The following DERPC variants were observed in gnomAD, a reference collection of about 807,000 sequenced individuals.
DERPC encodes the protein DERPC proline and glycine rich nuclear protein, also known as decreased expression in renal and prostate cancer protein.
Under a neutral mutation model 7.2 loss-of-function variants are expected in DERPC, and 1 was observed. That is an observed-to-expected ratio of 0.14 (90% CI 0.05 to 0.66). The LOEUF is 0.66. DERPC is among the 30% of genes least tolerant of loss of function. The probability of loss-of-function intolerance (pLI) is 0.84; values close to 1 mark genes in which losing one functional copy is unlikely to be tolerated. For missense variants in DERPC, 502 were observed against 299.4 expected, an observed-to-expected ratio of 1.68 and a Z score of -4.99; for synonymous variants, 185 against 117.6, an observed-to-expected ratio of 1.57 and a Z score of -3.71.
intron 1 of DERPC, among the ~76,000 whole-genome samples, chr16:69,124,027 C>A (rs1172602262): frequency 6.6e-6 from 1 of 151,534 alleles, no homozygotes; most frequent in African/African-American, 2.4e-5. Context: ...TCAGTGGAAC[C>A]TGGGAGATAA....
At chr16:69,122,143 C>G (rs1961720885) in intron 1 of DERPC, among the ~76,000 whole-genome samples, 1 of 152,174 alleles carries the variant, frequency 6.6e-6, no homozygotes, top group South Asian at 2.1e-4. Context: ...CCTTTAGACA[C>G]ATTTTATCTT....
Position 69,120,782 on chromosome 16 carries a change from GC to G in DERPC, c.-221-134del. 1.2e-6 allele frequency: 1 copy of G among 807,134 alleles called. No individual in the cohort carries two copies. The highest frequency in any genetic ancestry group is 2.0e-6 in the Non-Finnish European group (1 of 493,204). 50.0% of individuals were successfully genotyped at this position (807,134 alleles called of 1,614,324 possible). On this transcript the variant is annotated intron_variant, in intron 2 of 2. Transcript: ENST00000519520. This position sits in a 1 kb window ranked among gnomAD's most constrained non-coding sequence, Gnocchi z 4.0. ...GGTCTGGCTCTGCCATTGTTGAGCA[GC>G]CACACTGGACCACCCACCCATGTGC...
chr16:69,124,252 G>T (rs1039241009), intron 1 of DERPC, among the ~76,000 whole-genome samples: 6 of 152,130 alleles, frequency 3.9e-5, no homozygotes. Context: ...GATTCATGGG[G>T]GGCTGATAGG....
chr16:69,129,212 C>T (rs977491780), intron 1 of DERPC, among the ~76,000 whole-genome samples: 6 of 151,998 alleles, frequency 3.9e-5, no homozygotes, highest in South Asian at 4.2e-4. Context: ...GGGCAGATCA[C>T]GAGGTCAGGA....
intron 1 of DERPC, among the ~76,000 whole-genome samples, chr16:69,123,940 A>AAC (rs1961871107): frequency 1.4e-5 from 2 of 140,220 alleles, no homozygotes; most frequent in African/African-American, 5.0e-5. Flanking sequence ...AAAAAAAAAA[A>AAC]AAAAAAACAA....
Position 69,120,605 on chromosome 16 carries a change from T to C in DERPC, c.-177A>G, listed in dbSNP as rs74423943. 2.4e-4 allele frequency: 385 copies of C among 1,613,864 alleles called. No individual in the cohort carries two copies. In the African/African-American group the frequency reaches 4.7e-3, roughly 20 times the overall value. On this transcript the variant is annotated 5_prime_UTR_variant, in exon 3 of 3. Coordinates refer to ENST00000519520, the MANE Select transcript of DERPC (RefSeq NM_001002847.4). The surrounding 1 kb of genome is among the most constrained non-coding windows in gnomAD (Gnocchi z 4.0). The stretch of plus-strand genomic sequence containing the variant: ...CAAAAGGTTTCTCCAGGTGGATGAT[T>C]TTCCCATACAGGATATGATGCCCCA...
intron 1 of DERPC, among the ~76,000 whole-genome samples, chr16:69,127,364 T>A (rs1424806173): frequency 6.6e-6 from 1 of 151,774 alleles, no homozygotes; most frequent in East Asian, 1.9e-4. Flanking sequence ...CTATTAGAAA[T>A]CACAAGCATA....
intron 1 of DERPC, among the ~76,000 whole-genome samples, chr16:69,121,828 C>T (rs557957079): frequency 1.1e-3 from 175 of 152,220 alleles, no homozygotes; most frequent in Admixed American, 1.5e-3. Context: ...CCACCACGGC[C>T]GGCTAATTTT....
Position 69,118,570 on chromosome 16 carries a change from C to A in DERPC, c.*284G>T. On this transcript the variant is annotated 3_prime_UTR_variant, in exon 3 of 3. Coordinates refer to ENST00000519520, the MANE Select transcript of DERPC (RefSeq NM_001002847.4). ...AACAATTCAAGAAACTAGTAAGAAA[C>A]AATGGGCAGAAAGCTGTGGGACGAA... 1.3e-6 allele frequency: 1 copy of A among 763,080 alleles called. No homozygotes were observed. The highest frequency in any genetic ancestry group is 2.4e-6 in the Non-Finnish European group (1 of 424,840). 47.3% of individuals were successfully genotyped at this position (763,080 alleles called of 1,614,324 possible).
chr16:69,120,582 A>C lies in DERPC; in HGVS notation c.-154T>G, dbSNP rs1456082174. The C allele has an allele frequency of 6.2e-7, 1 of 1,614,092 alleles. No homozygotes were observed. Among genetic ancestry groups the C allele is most frequent in the Admixed American group, 1.7e-5 (1 of 60,000 alleles). On this transcript the variant is annotated 5_prime_UTR_variant, in exon 3 of 3. Coordinates refer to ENST00000519520, the MANE Select transcript of DERPC (RefSeq NM_001002847.4). This position sits in a 1 kb window ranked among gnomAD's most constrained non-coding sequence, Gnocchi z 4.0. Reference sequence around the variant, plus strand: ...AGGAGTGTGTTTGACAAGGACTGCAAAAGGTTTCTCCAGGTGGATGATTTT... The same window carrying C: ...AGGAGTGTGTTTGACAAGGACTGCACAAGGTTTCTCCAGGTGGATGATTTT...
At chr16:69,124,265 C>T (rs1043500041) in intron 1 of DERPC, among the ~76,000 whole-genome samples, 4 of 152,156 alleles carry the variant, frequency 2.6e-5, no homozygotes, top group South Asian at 2.1e-4. Context: ...CTGATAGGAT[C>T]GGGGATAAAA....
intron 1 of DERPC, among the ~76,000 whole-genome samples, chr16:69,128,506 T>A (rs1465517161): frequency 6.6e-6 from 1 of 152,222 alleles, no homozygotes; most frequent in Admixed American, 6.5e-5. Context: ...AAAAGTTTTC[T>A]ACTTGATCTT....
intron 1 of DERPC, among the ~76,000 whole-genome samples, chr16:69,122,422 G>A (rs997368644): frequency 6.6e-6 from 1 of 151,126 alleles, no homozygotes; most frequent in Non-Finnish European, 1.5e-5. Context: ...ACCAAATCTG[G>A]AGCGCAGTGG....
Position 69,118,850 on chromosome 16 carries a change from G to T in DERPC, c.*4C>A, listed in dbSNP as rs777061343. 1.1e-4 allele frequency: 75 copies of T among 699,776 alleles called. No homozygotes were observed. Among genetic ancestry groups the T allele is most frequent in the Non-Finnish European group, 1.9e-4 (72 of 382,942 alleles). The allele number at this position is 699,776 out of a possible 1,614,324, so 43.3% of individuals were successfully genotyped here. On this transcript the variant is annotated 3_prime_UTR_variant, in exon 3 of 3. Transcript: ENST00000519520. ...CCAAGGTGGTCCTGGAGGGAAAATG[G>T]TGTTTAAGGGGGCAACATTCCATTT...
intron 1 of DERPC, among the ~76,000 whole-genome samples, chr16:69,126,177 T>C (rs1477921222): frequency 6.6e-6 from 1 of 152,180 alleles, no homozygotes; most frequent in Admixed American, 6.5e-5. Flanking sequence ...GGTGTTCACA[T>C]AGGTACACGG....
intron 1 of DERPC, among the ~76,000 whole-genome samples, chr16:69,129,854 A>G (rs764943460): frequency 7.9e-5 from 12 of 152,220 alleles, no homozygotes; most frequent in Non-Finnish European, 1.3e-4. Context: ...CCAAAGTATT[A>G]TATCTGTGGG....
chr16:69,122,010 ACTC>A (rs1961709756), intron 1 of DERPC, among the ~76,000 whole-genome samples: 1 of 124,330 alleles, frequency 8.0e-6, no homozygotes, highest in African/African-American at 3.1e-5. Flanking sequence ...CTGGTCTTGA[ACTC>A]CTGACCTCGT....
chr16:69,123,998 G>A (rs1396414503), intron 1 of DERPC, among the ~76,000 whole-genome samples: 1 of 151,860 alleles, frequency 6.6e-6, no homozygotes, highest in Non-Finnish European at 1.5e-5. Flanking sequence ...CAGCTACTTG[G>A]GAGGCTGAGG....
intron 1 of DERPC, among the ~76,000 whole-genome samples, chr16:69,122,593 T>A (rs1961762370): frequency 6.7e-6 from 1 of 149,494 alleles, no homozygotes; most frequent in Non-Finnish European, 1.5e-5. Flanking sequence ...CAGGCTGGAG[T>A]GCAGTGGCAT....
Sources: gnomAD v4.1 joint callset for allele counts (sites outside exome capture counted in the v4.1 genomes callset) on GRCh38, gnomAD v4.1.1 for gene constraint, Gnocchi (gnomAD v3.1) non-coding constraint, MANE v1.5 for transcripts, NCBI Gene and HGNC (gene_info 2026-07-23, HGNC 2026-07-21) for gene names.